Variants in PDE4D observed in about 807,000 individuals in gnomAD.
PDE4D encodes the protein phosphodiesterase 4D.
A neutral mutation model predicts 87.4 loss-of-function variants in PDE4D; 24 were observed. The observed-to-expected ratio is 0.27, with a 90% CI of 0.20 to 0.39. The LOEUF is 0.39. PDE4D is among the 10% of genes least tolerant of loss of function. The pLI is 1.00. For missense variants in PDE4D, 714 were observed against 1,041.0 expected, an observed-to-expected ratio of 0.69 and a Z score of 4.32; for synonymous variants, 384 against 383.2, an observed-to-expected ratio of 1.00 and a Z score of -0.02.
chr5:59,801,647 T>C (rs1184429086), intron 1 of PDE4D, among the ~76,000 whole-genome samples: 2 of 152,208 alleles, frequency 1.3e-5, no homozygotes, highest in East Asian at 3.8e-4. Context: ...TGACATGGCA[T>C]TGTTACAAAT....
At chr5:60,445,962 A>G (rs1201644939) in intron 1 of PDE4D, among the ~76,000 whole-genome samples, 1 of 152,162 alleles carries the variant, frequency 6.6e-6, no homozygotes, top group Non-Finnish European at 1.5e-5. Context: ...CTATATAAAA[A>G]TTGTCAGTAA....
At chr5:60,153,283 A>G (rs927669640) in intron 2 of PDE4D, among the ~76,000 whole-genome samples, 6 of 152,254 alleles carry the variant, frequency 3.9e-5, no homozygotes, top group African/African-American at 1.4e-4. Flanking sequence ...AATGTTCAAC[A>G]TCACTAATCA....
At chr5:60,468,348 A>G (rs1254399958) in intron 1 of PDE4D, among the ~76,000 whole-genome samples, 2 of 152,068 alleles carry the variant, frequency 1.3e-5, no homozygotes, top group African/African-American at 4.8e-5. Flanking sequence ...CATGTTGCCC[A>G]GGATGGTCTT....
intron 1 of PDE4D, among the ~76,000 whole-genome samples, chr5:59,820,372 T>C (rs1195895541): frequency 1.3e-5 from 2 of 152,242 alleles, no homozygotes; most frequent in African/African-American, 4.8e-5. Flanking sequence ...TCAGCTCAGA[T>C]GAGGCTCACT....
At chr5:59,557,509 GT>G (rs1172682745) in intron 1 of PDE4D, among the ~76,000 whole-genome samples, 76 of 147,160 alleles carry the variant, frequency 5.2e-4, no homozygotes, top group African/African-American at 7.2e-4. Context: ...TTGTGGCCAG[GT>G]TTTTTTTTTT....
chr5:59,769,195 A>AC (rs1282156471), intron 1 of PDE4D, among the ~76,000 whole-genome samples: 2 of 152,132 alleles, frequency 1.3e-5, no homozygotes, highest in African/African-American at 4.8e-5. Context: ...AATGAAATTG[A>AC]CTTTTTCTCC....
At position 58,986,138 on chromosome 5, in the gene PDE4D, TAA is replaced by T. The variant is rs1746370997; in HGVS notation, c.1552+2353_1552+2354del. Among the ~76,000 whole-genome samples, 3 of 152,250 alleles carry T rather than the reference TAA, an allele frequency of 2.0e-5. No homozygotes were observed. In the South Asian group the frequency reaches 6.2e-4, roughly 31 times the overall value. On this transcript the variant is annotated intron_variant, in intron 11 of 14. Transcript: ENST00000340635. ...AGAAAGGAGATCATTGCAATATTACTAAATAACAAAGAAAGAATTTGCAGCGG... is the reference window on the plus strand; with the variant it reads ...AGAAAGGAGATCATTGCAATATTACTATAACAAAGAAAGAATTTGCAGCGG...
chr5:59,534,181 C>T (rs1814722366), intron 1 of PDE4D, among the ~76,000 whole-genome samples: 1 of 152,058 alleles, frequency 6.6e-6, no homozygotes, highest in East Asian at 1.9e-4. Context: ...GACATATTTT[C>T]CAGAGATTGA....
chr5:59,837,676 T>C (rs1191942002), intron 1 of PDE4D, among the ~76,000 whole-genome samples: 9 of 152,084 alleles, frequency 5.9e-5, no homozygotes, highest in Non-Finnish European at 1.2e-4. Context: ...ATGAGATTTT[T>C]CCCTAAATGT....
chr5:59,152,987 A>T (rs1448834021), intron 5 of PDE4D, among the ~76,000 whole-genome samples: 1 of 152,158 alleles, frequency 6.6e-6, no homozygotes, highest in Non-Finnish European at 1.5e-5. Flanking sequence ...TATGAGAAAG[A>T]GATCAGAGAT....
At chr5:60,234,365 G>T (rs1198320893) in intron 1 of PDE4D, among the ~76,000 whole-genome samples, 1 of 151,686 alleles carries the variant, frequency 6.6e-6, no homozygotes, top group African/African-American at 2.4e-5. Flanking sequence ...CATTTGGGTT[G>T]TTTCTATTTT....
At chr5:59,209,031 G>T (rs72765909) in intron 2 of PDE4D, among the ~76,000 whole-genome samples, 18,728 of 152,052 alleles carry the variant, frequency 0.12, 1,324 homozygotes, top group Non-Finnish European at 0.15. Flanking sequence ...TATAAAAAAA[G>T]ATTTTGGCTA....
chr5:59,663,396 C>A (rs1745568039), intron 1 of PDE4D, among the ~76,000 whole-genome samples: 2 of 152,048 alleles, frequency 1.3e-5, no homozygotes, highest in East Asian at 3.9e-4. Context: ...GTCTCAAACT[C>A]CTGACTTCAG....
At chr5:59,818,239 G>A (rs1389026788) in intron 1 of PDE4D, among the ~76,000 whole-genome samples, 1 of 152,222 alleles carries the variant, frequency 6.6e-6, no homozygotes, top group East Asian at 1.9e-4. Context: ...TCGCCTAGCT[G>A]TGTGAGCTTG....
At chr5:59,575,957 T>C (rs1453570221) in intron 1 of PDE4D, among the ~76,000 whole-genome samples, 1 of 152,176 alleles carries the variant, frequency 6.6e-6, no homozygotes, top group African/African-American at 2.4e-5. Context: ...GTATTGTCCC[T>C]GTATTTACTG....
chr5:59,784,252 T>TAA (rs60194125), intron 1 of PDE4D, among the ~76,000 whole-genome samples: 1 of 142,384 alleles, frequency 7.0e-6, no homozygotes, highest in Non-Finnish European at 1.5e-5. Flanking sequence ...TTTTTTTTTT[T>TAA]AAAAAAAAAA....
intron 1 of PDE4D, among the ~76,000 whole-genome samples, chr5:59,675,067 G>C (rs909302180): frequency 6.6e-6 from 1 of 152,176 alleles, no homozygotes; most frequent in Non-Finnish European, 1.5e-5. Context: ...GAGTTTCAGT[G>C]AGAACATTCA....
intron 1 of PDE4D, among the ~76,000 whole-genome samples, chr5:60,293,174 C>A (rs1753058215): frequency 1.3e-5 from 2 of 151,932 alleles, no homozygotes; most frequent in Admixed American, 1.3e-4. Context: ...ATAAGCCACC[C>A]CTGTTGAAGA....
intron 1 of PDE4D, among the ~76,000 whole-genome samples, chr5:60,467,333 C>G (rs1376264592): frequency 6.6e-6 from 1 of 152,172 alleles, no homozygotes; most frequent in Non-Finnish European, 1.5e-5. Context: ...CCACCAGGCC[C>G]AGCCCTGGAA....
Sources: gnomAD v4.1 joint callset for allele counts (sites outside exome capture counted in the v4.1 genomes callset) on GRCh38, gnomAD v4.1.1 for gene constraint, MANE v1.5 for transcripts, NCBI Gene and HGNC (gene_info 2026-07-23, HGNC 2026-07-21) for gene names.